The following SYT14 variants were observed in gnomAD, a reference collection of about 807,000 sequenced individuals.
SYT14 encodes synaptotagmin 14.
SYT14 carries 32 observed loss-of-function variants against 74.2 expected under a neutral mutation model. The ratio of observed to expected loss-of-function variants is 0.43; its 90% confidence interval spans 0.33 to 0.58. SYT14 has a LOEUF of 0.58. Ranked by LOEUF, SYT14 falls within the 20% of genes least tolerant of loss-of-function variation. The pLI is 0.05. For synonymous variants in SYT14, 298 were observed against 337.7 expected, an observed-to-expected ratio of 0.88 and a Z score of 1.29; for missense variants, 791 against 981.8, an observed-to-expected ratio of 0.81 and a Z score of 2.60.
chr1:210,085,260 C>A (rs545054504), intron 5 of SYT14, among the ~76,000 whole-genome samples: 14 of 152,118 alleles, frequency 9.2e-5, no homozygotes, highest in Admixed American at 2.0e-4. Flanking sequence ...CTAAATTTAC[C>A]AACTCTTAGT....
chr1:210,069,169 GC>G (rs2081348587), intron 5 of SYT14, among the ~76,000 whole-genome samples: 2 of 151,658 alleles, frequency 1.3e-5, no homozygotes, highest in African/African-American at 4.8e-5. Context: ...GTTAAGACTT[GC>G]TTTATGCGGC....
At chr1:209,998,158 C>A (rs1440886343) in intron 2 of SYT14, among the ~76,000 whole-genome samples, 4 of 151,252 alleles carry the variant, frequency 2.6e-5, no homozygotes, top group African/African-American at 9.7e-5. Flanking sequence ...TTCTATACAC[C>A]AATAATGAGT....
At chr1:209,940,087 TTA>T (rs2078704449) in intron 1 of SYT14, among the ~76,000 whole-genome samples, 1 of 152,228 alleles carries the variant, frequency 6.6e-6, no homozygotes, top group African/African-American at 2.4e-5. Flanking sequence ...AGATCAGGAA[TTA>T]TATCTTTTCT....
At chr1:209,974,586 C>T (rs567948156) in intron 2 of SYT14, among the ~76,000 whole-genome samples, 1 of 152,202 alleles carries the variant, frequency 6.6e-6, no homozygotes, top group Non-Finnish European at 1.5e-5. Context: ...TGTTGTGGTA[C>T]CAGTACCATG....
At chr1:210,094,071 A>C (rs574020327) in intron 5 of SYT14, among the ~76,000 whole-genome samples, 1 of 152,220 alleles carries the variant, frequency 6.6e-6, no homozygotes, top group Admixed American at 6.5e-5. Flanking sequence ...TTTATGATAC[A>C]TAACAGGATC....
intron 5 of SYT14, among the ~76,000 whole-genome samples, chr1:210,075,111 G>T (rs766772902): frequency 8.5e-5 from 13 of 152,146 alleles, no homozygotes; most frequent in Non-Finnish European, 1.3e-4. Context: ...AGCGGCCCGG[G>T]CTCTCCTCTG....
At chr1:210,023,280 G>A (rs969914425) in intron 5 of SYT14, among the ~76,000 whole-genome samples, 3 of 152,116 alleles carry the variant, frequency 2.0e-5, no homozygotes, top group African/African-American at 4.8e-5. Flanking sequence ...GAGTATATAC[G>A]TAATATGATG....
intron 2 of SYT14, among the ~76,000 whole-genome samples, chr1:209,961,031 G>A (rs1335974175): frequency 6.6e-6 from 1 of 152,148 alleles, no homozygotes; most frequent in Non-Finnish European, 1.5e-5. Context: ...TGAGTTGGCT[G>A]ATGTCACTTT....
intron 1 of SYT14, among the ~76,000 whole-genome samples, chr1:209,946,912 C>T (rs968054102): frequency 2.0e-5 from 3 of 152,130 alleles, no homozygotes; most frequent in African/African-American, 7.2e-5. Context: ...TGCCCATTGA[C>T]GATTCTGAAA....
chr1:210,039,785 A>G (rs1294592297), intron 5 of SYT14, among the ~76,000 whole-genome samples: 1 of 152,230 alleles, frequency 6.6e-6, no homozygotes, highest in Non-Finnish European at 1.5e-5. Flanking sequence ...AAAAAAGCTC[A>G]TCATCACTCG....
intron 5 of SYT14, among the ~76,000 whole-genome samples, chr1:210,058,955 C>T (rs1025963395): frequency 4.6e-5 from 7 of 152,238 alleles, no homozygotes; most frequent in African/African-American, 1.7e-4. Context: ...GTAACAAAAG[C>T]AAATACATAT....
At chr1:210,081,620 T>C (rs933526499) in intron 5 of SYT14, among the ~76,000 whole-genome samples, 1 of 152,226 alleles carries the variant, frequency 6.6e-6, no homozygotes. Flanking sequence ...ACCTTCAGTG[T>C]AACTGCTGTA....
intron 7 of SYT14, among the ~76,000 whole-genome samples, chr1:210,131,042 G>T (rs1474119513): frequency 6.6e-6 from 1 of 152,074 alleles, no homozygotes; most frequent in Non-Finnish European, 1.5e-5. Context: ...GAAACTCACG[G>T]TATTCATAAA....
intron 1 of SYT14, among the ~76,000 whole-genome samples, chr1:209,944,195 A>G (rs943303679): frequency 6.6e-6 from 1 of 152,182 alleles, no homozygotes; most frequent in Non-Finnish European, 1.5e-5. Flanking sequence ...AGAAGTAAAA[A>G]AAAGGTTTTG....
chr1:210,070,780 G>A (rs142135947), intron 5 of SYT14, among the ~76,000 whole-genome samples: 1 of 152,050 alleles, frequency 6.6e-6, no homozygotes, highest in African/African-American at 2.4e-5. Context: ...GTATAGGGTC[G>A]TCTGCTTTTC....
At chr1:210,132,083 C>T (rs1361869880) in intron 7 of SYT14, among the ~76,000 whole-genome samples, 2 of 152,164 alleles carry the variant, frequency 1.3e-5, no homozygotes, top group Admixed American at 6.5e-5. Flanking sequence ...GGGTGCCCTT[C>T]TCACCCTGCA....
intron 5 of SYT14, among the ~76,000 whole-genome samples, chr1:210,079,725 AG>A (rs2102475965): frequency 6.6e-6 from 1 of 152,326 alleles, no homozygotes; most frequent in East Asian, 1.9e-4. Context: ...TAGGCAGGGC[AG>A]GGATATGATC....
chr1:210,155,821 G>A, exon 8 of SYT14: 2 of 1,614,026 alleles, frequency 1.2e-6, no homozygotes, highest in Non-Finnish European at 1.7e-6. Flanking sequence ...ATTCTTATTG[G>A]CCTGCTTTAT....
chr1:210,045,483 T>C (rs888945733), intron 5 of SYT14, among the ~76,000 whole-genome samples: 1 of 152,174 alleles, frequency 6.6e-6, no homozygotes, highest in African/African-American at 2.4e-5. Context: ...TCAGATAAAA[T>C]TAACTTTAAA....
Sources: gnomAD v4.1 joint callset for allele counts (sites outside exome capture counted in the v4.1 genomes callset) on GRCh38, gnomAD v4.1.1 for gene constraint, MANE v1.5 for transcripts, NCBI Gene and HGNC (gene_info 2026-07-23, HGNC 2026-07-21) for gene names.